Variants in OR1L6 observed in about 807,000 individuals in gnomAD.
The protein encoded by OR1L6 is olfactory receptor family 1 subfamily L member 6.
A neutral mutation model predicts 3.0 loss-of-function variants in OR1L6; 2 were observed. That is an observed-to-expected ratio of 0.68 (90% CI 0.28 to 2.13). The LOEUF (loss-of-function observed/expected upper bound fraction) is 2.13. OR1L6 is among the 30% of genes most tolerant of loss of function. OR1L6 has a pLI of 0.14. For synonymous variants in OR1L6, 121 were observed against 148.4 expected, an observed-to-expected ratio of 0.82 and a Z score of 1.34; for missense variants, 304 against 378.4, an observed-to-expected ratio of 0.80 and a Z score of 1.63.
intron 1 of OR1L6, among the ~76,000 whole-genome samples, chr9:122,746,276 T>C (rs1828836185): frequency 6.6e-6 from 1 of 152,194 alleles, no homozygotes; most frequent in African/African-American, 2.4e-5. Flanking sequence ...AATTTATATC[T>C]GTAAGTTGTA....
Position 122,750,653 on chromosome 9 carries a change from T to G in OR1L6, c.806T>G (p.Val269Gly), listed in dbSNP as rs1038547265. The G allele has an allele frequency of 1.2e-6, 2 of 1,614,070 alleles. No homozygotes were observed. The highest frequency in any genetic ancestry group is 1.3e-5 in the African/African-American group (1 of 74,922). ...TTTAGGCCCCTGTCCATGTACTCAG[T>G]GGTTAGGGACCGGGTAGCCACAGTT... Reference protein sequence around the residue: ...VYFRPLSMYSVVRDRVATVMY... With the variant: ...VYFRPLSMYSGVRDRVATVMY... Residue 269 changes from valine (V) to glycine (G), a missense_variant, in exon 2 of 2, where the codon GTG (valine) becomes GGG (glycine). Around this residue, in one of 3 missense-constraint regions of OR1L6, gnomAD observed 91 missense variants for 87.8 expected, o/e 1.04. Coordinates refer to ENST00000304720, the MANE Select transcript of OR1L6 (RefSeq NM_001004453.3).
intron 1 of OR1L6, among the ~76,000 whole-genome samples, chr9:122,746,915 G>T (rs1828843347): frequency 6.6e-6 from 1 of 151,996 alleles, no homozygotes; most frequent in South Asian, 2.1e-4. Context: ...ATCTCTTTTG[G>T]TATAATTTTC....
In OR1L6 at chr9:122,745,130, C is replaced by T. The variant is rs138080312; in HGVS notation, c.-14+2757C>T. ...TGTTGCTAATATCTATTGACATTTT[C>T]AAGATTTATAAACTCCATTTTAGCA... On this transcript the variant is annotated intron_variant, in intron 1 of 1. Coordinates refer to ENST00000304720, the MANE Select transcript of OR1L6 (RefSeq NM_001004453.3). 9.3e-4 allele frequency among the ~76,000 whole-genome samples: 141 copies of T among 152,308 alleles called. 1 individual carries two copies. The highest frequency in any genetic ancestry group is 3.3e-3 in the African/African-American group (138 of 41,564).
intron 1 of OR1L6, among the ~76,000 whole-genome samples, chr9:122,747,815 C>T (rs985185014): frequency 6.6e-6 from 1 of 151,800 alleles, no homozygotes; most frequent in Non-Finnish European, 1.5e-5. Context: ...TCTAGGTGGA[C>T]AGTTTCATCA....
At chr9:122,749,560 T>C (rs1247466135) in intron 1 of OR1L6, among the ~76,000 whole-genome samples, 2 of 152,120 alleles carry the variant, frequency 1.3e-5, no homozygotes, top group Non-Finnish European at 2.9e-5. Context: ...ACAAAAAAAT[T>C]AGCCGGGCGT....
Position 122,744,384 on chromosome 9 carries a change from G to A in OR1L6, c.-14+2011G>A, listed in dbSNP as rs1828815188. Among the ~76,000 whole-genome samples the A allele has an allele frequency of 2.0e-5, 3 of 151,988 alleles. No individual in the cohort carries two copies. The South Asian group carries it at 6.2e-4, about 32-fold the overall frequency. ...TTTGGGCTGTCAGTGTGTACTCCCT[G>A]GTTTCATTTGGGCTGACAATGTGTA... On this transcript the variant is annotated intron_variant, in intron 1 of 1. Transcript: ENST00000304720.
Position 122,749,913 on chromosome 9 carries a change from T to C in OR1L6, c.66T>C (p.Pro22=), listed in dbSNP as rs748242583. The C allele has an allele frequency of 1.1e-5, 18 of 1,614,122 alleles. No individual in the cohort carries two copies. Among genetic ancestry groups the C allele is most frequent in the Non-Finnish European group, 1.4e-5 (17 of 1,180,002 alleles). Residue 22 remains proline (P), a synonymous_variant, in exon 2 of 2, where the codon CCT becomes CCC. Transcript: ENST00000304720. The part of the protein sequence containing the change: ...GFILLGLSSN[P]QLQKPLFAIF... The stretch of plus-strand genomic sequence containing the variant: ...TCCTCCTGGGCCTCTCTTCCAACCC[T>C]CAGCTGCAGAAACCTCTCTTTGCCA...
chr9:122,749,083 A>C (rs752825012), intron 1 of OR1L6, among the ~76,000 whole-genome samples: 17 of 151,998 alleles, frequency 1.1e-4, no homozygotes, highest in Non-Finnish European at 2.2e-4. Flanking sequence ...ATATTGATTT[A>C]TTTCTTTCTG....
intron 1 of OR1L6, among the ~76,000 whole-genome samples, chr9:122,749,559 T>A (rs1203917437): frequency 1.3e-5 from 2 of 152,094 alleles, no homozygotes; most frequent in Non-Finnish European, 2.9e-5. Flanking sequence ...TACAAAAAAA[T>A]TAGCCGGGCG....
chr9:122,750,058 G>A lies in OR1L6; in HGVS notation c.211G>A (p.Asp71Asn). 1 of 1,614,090 alleles carries A rather than the reference G, an allele frequency of 6.2e-7. No homozygotes were observed. Among genetic ancestry groups the A allele is most frequent in the Non-Finnish European group, 8.5e-7 (1 of 1,180,004 alleles). Residue 71 changes from aspartate to asparagine, a missense_variant, in exon 2 of 2, where the codon GAT becomes AAT. Asp to Asn is a conservative substitution (Grantham distance 23). Transcript: ENST00000304720. ...TTTTCTCAGCAACTTGTCTTTCATGGATATCTGCTTCACAACAGTCATAGT... is the reference window on the plus strand; with the variant it reads ...TTTTCTCAGCAACTTGTCTTTCATGAATATCTGCTTCACAACAGTCATAGT... Reference protein sequence around the residue: ...YFFLSNLSFMDICFTTVIVPK... With the variant: ...YFFLSNLSFMNICFTTVIVPK...
At chr9:122,743,631 C>G (rs1372287059) in intron 1 of OR1L6, among the ~76,000 whole-genome samples, 2 of 152,128 alleles carry the variant, frequency 1.3e-5, no homozygotes, top group Non-Finnish European at 1.5e-5. Flanking sequence ...AACGTGGACC[C>G]AGAAGACATC....
chr9:122,744,773 C>T (rs1354220345), intron 1 of OR1L6, among the ~76,000 whole-genome samples: 2 of 152,128 alleles, frequency 1.3e-5, no homozygotes, highest in African/African-American at 4.8e-5. Flanking sequence ...TTGACAGCTC[C>T]TAGGCAGGGT....
At chr9:122,748,542 A>G (rs1226890521) in intron 1 of OR1L6, among the ~76,000 whole-genome samples, 5 of 152,222 alleles carry the variant, frequency 3.3e-5, no homozygotes, top group African/African-American at 4.8e-5. Context: ...TTTCATTTGT[A>G]TAAGTTTATG....
In OR1L6 at chr9:122,749,966, C is replaced by A. The variant is rs73571194; in HGVS notation, c.119C>A (p.Ala40Glu). Residue 40 changes from alanine (A) to glutamate (E), a missense_variant, in exon 2 of 2, where the codon GCG becomes GAG. Physicochemically the swap from Ala to Glu is moderately radical, Grantham distance 107 (BLOSUM62 -1). Coordinates refer to ENST00000304720, the MANE Select transcript of OR1L6 (RefSeq NM_001004453.3). The stretch of plus-strand genomic sequence containing the variant: ...TTCCTCATCATGTACCTGCTCGCTG[C>A]GGTGGGGAATGTGCTCATCATCCCG... ...AIFLIMYLLA[A>E]VGNVLIIPAI... The A allele has an allele frequency of 5.6e-6, 9 of 1,614,124 alleles. No individual in the cohort carries two copies. In the South Asian group the frequency reaches 8.8e-5, roughly 16 times the overall value.
rs533812925 is a variant in OR1L6, at chr9:122,746,022, T to C, written c.-14+3649T>C. 2.0e-4 allele frequency among the ~76,000 whole-genome samples: 31 copies of C among 152,236 alleles called. 1 individual carries two copies. The highest frequency in any genetic ancestry group is 3.4e-3 in the Middle Eastern group (1 of 294). ...TTTGTCCTAATGCTCTCCCTCCCCTTGCCCTCCACTCCCCGACAGCCCTGG... is the reference window on the plus strand; with the variant it reads ...TTTGTCCTAATGCTCTCCCTCCCCTCGCCCTCCACTCCCCGACAGCCCTGG... On this transcript the variant is annotated intron_variant, in intron 1 of 1. Transcript: ENST00000304720.
At chr9:122,744,009 C>A (rs184536953) in intron 1 of OR1L6, among the ~76,000 whole-genome samples, 1 of 152,200 alleles carries the variant, frequency 6.6e-6, no homozygotes, top group African/African-American at 2.4e-5. Context: ...AGTCAGTGTG[C>A]CCAGGTTTGA....
chr9:122,746,425 T>C (rs1828837306), intron 1 of OR1L6, among the ~76,000 whole-genome samples: 2 of 152,200 alleles, frequency 1.3e-5, no homozygotes, highest in African/African-American at 4.8e-5. Context: ...CTTTAGAGAC[T>C]GCATGACGTT....
At chr9:122,749,456 C>G (rs1435205198) in intron 1 of OR1L6, among the ~76,000 whole-genome samples, 3 of 152,148 alleles carry the variant, frequency 2.0e-5, no homozygotes, top group South Asian at 4.1e-4. Flanking sequence ...TAACTGTTCC[C>G]TTGTTGGATT....
chr9:122,750,619 T>C lies in OR1L6; in HGVS notation c.772T>C (p.Tyr258His). The C allele has an allele frequency of 6.2e-7, 1 of 1,614,192 alleles. No individual in the cohort carries two copies. The highest frequency in any genetic ancestry group is 8.5e-7 in the Non-Finnish European group (1 of 1,180,038). ...AGCCCTTTTCTATGGGAGTATTATT[T>C]ATGTCTATTTTAGGCCCCTGTCCAT... The part of the protein sequence containing the change: ...AVALFYGSII[Y>H]VYFRPLSMYS... The change falls in exon 2 of 2, where the codon TAT becomes CAT. Residue 258 changes from tyrosine (Y) to histidine (H), a missense_variant. Transcript: ENST00000304720.
Sources: gnomAD v4.1 joint callset for allele counts (sites outside exome capture counted in the v4.1 genomes callset) on GRCh38, gnomAD v4.1.1 for gene constraint, gnomAD v4.1.1 regional missense constraint, MANE v1.5 for transcripts, NCBI Gene and HGNC (gene_info 2026-07-23, HGNC 2026-07-21) for gene names.